ENKUR: variants seen among roughly 807,000 people sequenced by gnomAD.
ENKUR encodes enkurin, TRPC channel interacting protein.
In ENKUR, 19 loss-of-function variants were observed where a neutral mutation model predicts 27.6. That is an observed-to-expected ratio of 0.69 (90% confidence interval 0.48 to 1.01). The LOEUF (loss-of-function observed/expected upper bound fraction) is 1.01, where lower values mean the gene tolerates loss of function less well. ENKUR is among the 50% of genes least tolerant of loss of function. The probability of loss-of-function intolerance (pLI) is 0.00; values close to 1 mark genes in which losing one functional copy is unlikely to be tolerated. For missense variants in ENKUR, 312 were observed against 310.5 expected (o/e 1.00, Z -0.04); for synonymous variants, 117 against 96.9 (o/e 1.21, Z -1.22).
rs532327281 is a variant in ENKUR, at chr10:25,008,870, C to T, written c.77+6990G>A. Among the ~76,000 whole-genome samples, 748 of 148,586 alleles carry T rather than the reference C, an allele frequency of 5.0e-3. 6 individuals are homozygous for T. The highest frequency in any genetic ancestry group is 0.017 in the African/African-American group (686 of 41,162). ...TGGAACCAACCCAAATGTCCAACAA[C>T]GATAGACTGGATTAAGAAAATGTGG... is the stretch of plus-strand genomic sequence containing the variant. On this transcript the variant is annotated intron_variant, in intron 1 of 5. Transcript: ENST00000331161.
Position 25,050,500 on chromosome 10 carries a change from G to A in ENKUR, c.37+10612C>T, listed in dbSNP as rs77015435. Among the ~76,000 whole-genome samples the A allele has an allele frequency of 9.9e-3, 1,506 of 152,166 alleles. 22 individuals carry two copies. The highest frequency in any genetic ancestry group is 0.034 in the African/African-American group (1,402 of 41,488). ...GCCCTTTATAAAACCGTTAGATTTC[G>A]TGAGACGTATTCACTACCACGAGAA... On this transcript the variant is annotated intron_variant, in intron 2 of 5. Coordinates refer to the ENKUR transcript ENST00000615958.
chr10:24,984,190 A>G lies in ENKUR; in HGVS notation c.*180T>C. On this transcript the variant is annotated 3_prime_UTR_variant, in exon 6 of 6. Transcript: ENST00000331161. ...CCTTTCATCATATACAGTGTTACGA[A>G]TACTGAAAATATTTCTCACTGGGAA... 1.6e-6 allele frequency: 1 copy of G among 606,994 alleles called. No homozygotes were observed. Among genetic ancestry groups the G allele is most frequent in the East Asian group, 2.8e-5 (1 of 36,202 alleles). 37.6% of individuals were successfully genotyped at this position (606,994 alleles called of 1,614,324 possible). A position where few individuals can be genotyped will look rare whatever the true frequency, so the allele number is the denominator to read the frequency against.
At chr10:25,010,961 G>T (rs1389210840) in intron 1 of ENKUR, among the ~76,000 whole-genome samples, 3 of 151,560 alleles carry the variant, frequency 2.0e-5, no homozygotes, top group Non-Finnish European at 4.4e-5. Flanking sequence ...TATATACCCA[G>T]TAATGGGATG....
At chr10:25,054,467 TTC>T (rs760976783) in intron 2 of ENKUR, among the ~76,000 whole-genome samples, 1 of 97,958 alleles carries the variant, frequency 1.0e-5, no homozygotes, top group Non-Finnish European at 2.2e-5. Flanking sequence ...TTTTCTTTCT[TTC>T]TTTCTTTCTT....
intron 3 of ENKUR, among the ~76,000 whole-genome samples, chr10:24,993,172 G>A (rs181164961): frequency 1.1e-4 from 16 of 152,218 alleles, no homozygotes; most frequent in Admixed American, 7.8e-4. Flanking sequence ...AGGGAATGGT[G>A]TGATACAGTT....
At chr10:24,987,902 G>A (rs1849813591) in intron 4 of ENKUR, among the ~76,000 whole-genome samples, 2 of 152,018 alleles carry the variant, frequency 1.3e-5, no homozygotes, top group South Asian at 2.1e-4. Flanking sequence ...ATAAATAAAT[G>A]AATGAACAAA....
At chr10:25,021,644 A>T (rs1383048504) in intron 2 of ENKUR, 1 of 152,210 alleles carries the variant, frequency 6.6e-6, no homozygotes, top group Non-Finnish European at 1.5e-5. Flanking sequence ...GTATTTTTAA[A>T]ATTTCAGATG....
intron 4 of ENKUR, 87 bp from the exon 5 acceptor site, chr10:24,984,992 C>A: frequency 9.7e-7 from 1 of 1,028,862 alleles, no homozygotes; most frequent in South Asian, 1.4e-5. Flanking sequence ...TGAAAAATGT[C>A]AATAAGTAAA....
chr10:24,988,719 TA>T (rs1849855809), intron 4 of ENKUR, among the ~76,000 whole-genome samples: 1 of 45,072 alleles, frequency 2.2e-5, no homozygotes, highest in Non-Finnish European at 4.1e-5. Context: ...TATATATATA[TA>T]TATATATTCC....
intron 4 of ENKUR, among the ~76,000 whole-genome samples, chr10:24,985,226 G>C (rs890728191): frequency 6.6e-6 from 1 of 152,160 alleles, no homozygotes; most frequent in African/African-American, 2.4e-5. Flanking sequence ...CACAGCAAAT[G>C]CATGGGTAAA....
chr10:24,991,075 T>G (rs1849918275), intron 3 of ENKUR, among the ~76,000 whole-genome samples: 1 of 152,070 alleles, frequency 6.6e-6, no homozygotes, highest in Middle Eastern at 3.2e-3. Context: ...CCAGCCTGGG[T>G]GTCAGAGTGT....
chr10:25,006,808 C>G (rs75291014), intron 1 of ENKUR, among the ~76,000 whole-genome samples: 1 of 152,146 alleles, frequency 6.6e-6, no homozygotes, highest in Admixed American at 6.6e-5. Flanking sequence ...ATTAAACTTA[C>G]GAGCTTTGGT....
intron 4 of ENKUR, 142 bp from the exon 5 acceptor site, chr10:24,985,047 G>T: frequency 2.7e-6 from 2 of 730,818 alleles, no homozygotes; most frequent in Non-Finnish European, 4.5e-6. Context: ...TATTTATCAA[G>T]TACTTGGCCA....
At chr10:24,990,372 G>C (rs1259255992) in intron 4 of ENKUR, 91 bp downstream of exon 4, 1 of 1,471,242 alleles carries the variant, frequency 6.8e-7, no homozygotes, top group African/African-American at 1.4e-5. Flanking sequence ...CAAAATCCAA[G>C]TGCTGACTTT....
intron 2 of ENKUR, among the ~76,000 whole-genome samples, chr10:25,027,080 C>A (rs1850867082): frequency 6.6e-6 from 1 of 151,914 alleles, no homozygotes; most frequent in African/African-American, 2.4e-5. Flanking sequence ...TTTTGCTTGG[C>A]ATGGTGGCTC....
Position 25,034,225 on chromosome 10 carries a change from A to G in ENKUR, c.37+26887T>C, listed in dbSNP as rs370500051. ...AAATTTATAATAAACTTATATGTACACATACAAACTTTTTCAGAGAGCCAC... is the reference window on the plus strand; with the variant it reads ...AAATTTATAATAAACTTATATGTACGCATACAAACTTTTTCAGAGAGCCAC... On this transcript the variant is annotated intron_variant, in intron 2 of 5. Coordinates refer to the ENKUR transcript ENST00000615958. Among the ~76,000 whole-genome samples the G allele has an allele frequency of 1.7e-4, 26 of 152,302 alleles. No individual in the cohort carries two copies. In the East Asian group the frequency reaches 3.9e-3, roughly 23 times the overall value.
At chr10:25,041,346 A>G in intron 2 of ENKUR, among the ~76,000 whole-genome samples, 1 of 152,010 alleles carries the variant, frequency 6.6e-6, no homozygotes, top group South Asian at 2.1e-4. Context: ...CAGCAGTTAA[A>G]TTTTCATATG....
chr10:25,025,232 A>C, intron 2 of ENKUR: 1 of 1,614,208 alleles, frequency 6.2e-7, no homozygotes. Context: ...CATTACTCAA[A>C]GTTTGCACCT....
chr10:25,006,018 A>C (rs1850306176), intron 1 of ENKUR, among the ~76,000 whole-genome samples: 1 of 152,258 alleles, frequency 6.6e-6, no homozygotes, highest in African/African-American at 2.4e-5. Context: ...AATAAACTAC[A>C]TAAAGTAAAT....
Sources: gnomAD v4.1 joint callset for allele counts (sites outside exome capture counted in the v4.1 genomes callset) on GRCh38, gnomAD v4.1.1 for gene constraint, MANE v1.5 for transcripts, NCBI Gene and HGNC (gene_info 2026-07-23, HGNC 2026-07-21) for gene names.